The following MKI67 variants were observed in gnomAD, a reference collection of about 807,000 sequenced individuals.
MKI67 encodes the protein marker of proliferation Ki-67, also known as proliferation marker protein Ki-67.
Under a neutral mutation model 233.5 loss-of-function variants are expected in MKI67, and 152 were observed. The observed-to-expected ratio is 0.65, with a 90% CI of 0.57 to 0.74. MKI67 has a LOEUF of 0.74. MKI67 is among the 30% of genes least tolerant of loss of function. The pLI, the probability that MKI67 is intolerant of heterozygous loss-of-function variation, is 0.00. For synonymous variants in MKI67, 1,465 were observed against 1,418.5 expected (o/e 1.03, Z -0.74); for missense variants, 3,940 against 3,885.2 (o/e 1.01, Z -0.37).
Position 128,099,008 on chromosome 10 carries a change from G to T in MKI67, c.*182C>A. The T allele has an allele frequency of 1.9e-6, 1 of 517,638 alleles. No individual in the cohort carries two copies. The highest frequency in any genetic ancestry group is 2.6e-5 in the South Asian group (1 of 38,876). The allele number at this position is 517,638 out of a possible 1,614,324, so 32.1% of individuals were successfully genotyped here. A position where few individuals can be genotyped will look rare whatever the true frequency, so the allele number is the denominator to read the frequency against. On this transcript the variant is annotated 3_prime_UTR_variant, in exon 15 of 15. Transcript: ENST00000368654. ...GTGTTCAACTATTCTCAGTCCAGGA[G>T]CCCAGCAGTGCTCCCAGTGGAGTTT...
Position 128,115,669 on chromosome 10 carries a change from CT to C in MKI67, c.738del (p.Glu247SerfsTer4). The C allele has an allele frequency of 6.2e-7, 1 of 1,613,712 alleles. No homozygotes were observed. The highest frequency in any genetic ancestry group is 1.6e-4 in the Middle Eastern group (1 of 6,062). ...TCTTTTTGTGATTTTACATCCAACT[CT>C]TTCTTCACTGACTCATAAAGCTTCC... Reference protein sequence around the residue: ...PFWKLYESVKKELDVKSQKEN... With the variant: ...PFWKLYESVKXELDVKSQKEN... On this transcript the variant is annotated frameshift_variant, in exon 7 of 15. Transcript: ENST00000368654. LOFTEE classifies it high-confidence loss of function.
In MKI67 at chr10:128,105,600, T is replaced by C; in HGVS notation, c.6240A>G (p.Lys2080=). ...TGTGGTCTGGTGTCTGGAAGAGCTC[T>C]TTGAAGCCGGCCAGGTCTTCTAGTG... ...AQSLEDLAGF[K]ELFQTPDHTE... Residue 2080 remains lysine, a synonymous_variant, in exon 13 of 15, where the codon AAA becomes AAG. Transcript: ENST00000368654. 2 of 1,614,154 alleles carry C rather than the reference T, an allele frequency of 1.2e-6. No individual in the cohort carries two copies. Among genetic ancestry groups the C allele is most frequent in the South Asian group, 2.2e-5 (2 of 91,072 alleles).
rs1852239181 is a variant in MKI67, at chr10:128,097,633, G to GCCTA, written c.*1553_*1556dup. 1 of 152,050 alleles carries GCCTA rather than the reference G, an allele frequency of 6.6e-6. No individual in the cohort carries two copies. The highest frequency in any genetic ancestry group is 1.9e-4 in the East Asian group (1 of 5,176). The allele number at this position is 152,050 out of a possible 1,614,324, so 9.4% of individuals were successfully genotyped here. A position where few individuals can be genotyped will look rare whatever the true frequency, so the allele number is the denominator to read the frequency against. On this transcript the variant is annotated 3_prime_UTR_variant, in exon 15 of 15. Coordinates refer to ENST00000368654, the MANE Select transcript of MKI67 (RefSeq NM_002417.5). Reference sequence around the variant, plus strand: ...ATTCCTACTGAAAGTTTTGAGGTTGGCCTACGTAGAAGGAAGCATTTATGC... The same window carrying GCCTA: ...ATTCCTACTGAAAGTTTTGAGGTTGGCCTACCTACGTAGAAGGAAGCATTTATGC...
rs1233488016 is a variant in MKI67 at position 128,098,045 on chromosome 10, G to C, written c.*1145C>G. 6.6e-6 allele frequency: 1 copy of C among 152,260 alleles called. No individual in the cohort carries two copies. The highest frequency in any genetic ancestry group is 2.4e-5 in the African/African-American group (1 of 41,464). The allele number at this position is 152,260 out of a possible 1,614,324, so 9.4% of individuals were successfully genotyped here. ...CACCATCCTCACCTGCACCTGGCAAGGTGGGTGAATGGGGAGGAATCCAGA... is the reference window on the plus strand; with the variant it reads ...CACCATCCTCACCTGCACCTGGCAACGTGGGTGAATGGGGAGGAATCCAGA... On this transcript the variant is annotated 3_prime_UTR_variant, in exon 15 of 15. Transcript: ENST00000368654.
intron 2 of MKI67, 38 bp from the exon 3 acceptor site, chr10:128,123,207 A>G (rs1852988599): frequency 7.0e-7 from 1 of 1,428,338 alleles, no homozygotes; most frequent in South Asian, 1.2e-5. Context: ...GGTTGCTGCA[A>G]CTTTTTAAAA....
chr10:128,121,009 G>C (rs1435768218), intron 4 of MKI67, among the ~76,000 whole-genome samples: 1 of 152,018 alleles, frequency 6.6e-6, no homozygotes, highest in East Asian at 1.9e-4. Flanking sequence ...TAAGGGGGTG[G>C]AAAAGTTATA....
intron 12 of MKI67, among the ~76,000 whole-genome samples, 163 bp from the exon 13 acceptor site, chr10:128,109,586 G>A (rs1474142189): frequency 6.6e-6 from 1 of 152,198 alleles, no homozygotes; most frequent in Non-Finnish European, 1.5e-5. Context: ...TAAGAGCCAT[G>A]CACAATTAAG....
At chr10:128,123,981 A>G (rs1004068169) in intron 2 of MKI67, among the ~76,000 whole-genome samples, 3 of 152,232 alleles carry the variant, frequency 2.0e-5, no homozygotes, top group Non-Finnish European at 4.4e-5. Context: ...ATTTGAATAA[A>G]CTATGCAATG....
Position 128,107,755 on chromosome 10 carries a change from G to C in MKI67, c.4085C>G (p.Ala1362Gly), listed in dbSNP as rs1852546587. The C allele has an allele frequency of 6.2e-7, 1 of 1,613,644 alleles. No individual in the cohort carries two copies. The highest frequency in any genetic ancestry group is 2.2e-5 in the East Asian group (1 of 44,826). Residue 1362 changes from alanine (A) to glycine (G), a missense_variant, in exon 13 of 15, where the codon GCA becomes GGA. Ala to Gly is a moderately conservative substitution (Grantham distance 60, BLOSUM62 0). Coordinates refer to ENST00000368654, the MANE Select transcript of MKI67 (RefSeq NM_002417.5). ...TTTAGTAGTTTTGCCAGCAGCCACT[G>C]CTTCTTCAGTATGACCAGGGGTCTG... ...LFQTPGHTEE[A>G]VAAGKTTKMP...
In MKI67 at chr10:128,104,308, G is replaced by A; in HGVS notation, c.7532C>T (p.Thr2511Ile). The A allele has an allele frequency of 4.3e-6, 7 of 1,614,188 alleles. No homozygotes were observed. The highest frequency in any genetic ancestry group is 5.9e-6 in the Non-Finnish European group (7 of 1,180,036). The change falls in exon 13 of 15, where the codon ACA becomes ATA. Residue 2511 changes from threonine to isoleucine, a missense_variant. Thr to Ile is a moderately conservative substitution (Grantham distance 89, BLOSUM62 -1). Transcript: ENST00000368654. ...ACTATCTCCTGTTGGCTCTGTGTGT[G>A]TTTGCGTAGTCTCCCCTGATGTCCG... ...LTRTSGETTQ[T>I]HTEPTGDSKS...
At chr10:128,100,772 C>T (rs1376999911) in intron 14 of MKI67, among the ~76,000 whole-genome samples, 1 of 152,216 alleles carries the variant, frequency 6.6e-6, no homozygotes, top group African/African-American at 2.4e-5. Context: ...GCATCCCCCA[C>T]TGACCAGGAA....
In MKI67 at chr10:128,111,771, T is replaced by C; in HGVS notation, c.2134A>G (p.Asn712Asp). The part of the protein sequence containing the change: ...VHSQFSTGHA[N>D]SPCTIIIGKA... Reference sequence around the variant, plus strand: ...CCTATTATTATGGTACAAGGAGAGTTTGCGTGGCCTGTACTAAATTGACTG... The same window carrying C: ...CCTATTATTATGGTACAAGGAGAGTCTGCGTGGCCTGTACTAAATTGACTG... The change falls in exon 11 of 15, where the codon AAC becomes GAC. Residue 712 changes from asparagine to aspartate, a missense_variant. Physicochemically the swap from Asn to Asp is conservative, Grantham distance 23. Coordinates refer to ENST00000368654, the MANE Select transcript of MKI67 (RefSeq NM_002417.5). The C allele has an allele frequency of 6.2e-7, 1 of 1,614,152 alleles. No homozygotes were observed. Among genetic ancestry groups the C allele is most frequent in the Non-Finnish European group, 8.5e-7 (1 of 1,180,024 alleles).
intron 2 of MKI67, 26 bp from the exon 3 acceptor site, chr10:128,123,195 T>G: frequency 6.4e-7 from 1 of 1,551,656 alleles, no homozygotes. Flanking sequence ...GAAGGTTTTT[T>G]TGGTTGCTGC....
rs1852409944 is a variant in MKI67, at chr10:128,103,995, C to A, written c.7845G>T (p.Glu2615Asp). The A allele has an allele frequency of 1.2e-6, 2 of 1,613,940 alleles. No individual in the cohort carries two copies. Among genetic ancestry groups the A allele is most frequent in the Non-Finnish European group, 1.7e-6 (2 of 1,180,028 alleles). The change falls in exon 13 of 15, where the codon GAG becomes GAT. Residue 2615 changes from glutamate to aspartate, a missense_variant. By Grantham distance (45) the Glu-to-Asp change is conservative. Transcript: ENST00000368654. ...GCGTGAGCCTCTCAACTGCTGAGAGCTCCTCTTTTACTTCTTTCCTGGGAC... is the reference window on the plus strand; with the variant it reads ...GCGTGAGCCTCTCAACTGCTGAGAGATCCTCTTTTACTTCTTTCCTGGGAC... ...KTRPRKEVKE[E>D]LSAVERLTQT...
chr10:128,108,307 T>C lies in MKI67; in HGVS notation c.3533A>G (p.Lys1178Arg), dbSNP rs1306500469. The C allele has an allele frequency of 6.2e-7, 1 of 1,614,122 alleles. No individual in the cohort carries two copies. Among genetic ancestry groups the C allele is most frequent in the East Asian group, 2.2e-5 (1 of 44,866 alleles). The change falls in exon 13 of 15, where the codon AAA becomes AGA. Residue 1178 changes from lysine (K) to arginine (R), a missense_variant. Transcript: ENST00000368654. Reference sequence around the variant, plus strand: ...GTCTTTCTCATCACCTCCTGCTGGTTTGGGCGTAAGCATGGCTTTCCCTGC... The same window carrying C: ...GTCTTTCTCATCACCTCCTGCTGGTCTGGGCGTAAGCATGGCTTTCCCTGC... ...PSAGKAMLTP[K>R]PAGGDEKDIK...
In MKI67 at chr10:128,111,953, T is replaced by C. The variant is rs1385695058; in HGVS notation, c.2062A>G (p.Arg688Gly). The C allele has an allele frequency of 2.5e-6, 4 of 1,612,682 alleles. No homozygotes were observed. The highest frequency in any genetic ancestry group is 3.4e-6 in the Non-Finnish European group (4 of 1,179,602). The change falls in exon 10 of 15, where the codon AGG (arginine) becomes GGG (glycine). Residue 688 changes from arginine (R) to glycine (G), a missense_variant. Coordinates refer to ENST00000368654, the MANE Select transcript of MKI67 (RefSeq NM_002417.5). Reference protein sequence around the residue: ...KHGPQRSMNKRQRRPATPKKP... With the variant: ...KHGPQRSMNKGQRRPATPKKP... ...TTTGGAGTAGCAGGTCTTCTTTGCC[T>C]TTTGTTCATTGACCTTTGAGGACCA...
In MKI67 at chr10:128,104,793, T is replaced by C. The variant is rs542522258; in HGVS notation, c.7047A>G (p.Pro2349=). The part of the protein sequence containing the change: ...KIACKSPQPD[P]VDTPASTKQR... ...GCTTTGTGCTTGCTGGGGTGTCCAC[T>C]GGGTCTGGTTGTGGAGATTTGCAGG... The change falls in exon 13 of 15, where the codon CCA becomes CCG. Residue 2349 remains proline, a synonymous_variant. Transcript: ENST00000368654. 17 of 1,613,624 alleles carry C rather than the reference T, an allele frequency of 1.1e-5. No individual in the cohort carries two copies. The African/African-American group carries it at 2.1e-4, about 20-fold the overall frequency.
Position 128,105,506 on chromosome 10 carries a change from C to A in MKI67, c.6334G>T (p.Asp2112Tyr), listed in dbSNP as rs749532200. ...CGCCTCCTTGTGCTTGTTGGAGTGT[C>A]CATTGATTCTGGTGGTGGAGATTTG... Reference protein sequence around the residue: ...ACKSPPPESMDTPTSTRRRPK... With the variant: ...ACKSPPPESMYTPTSTRRRPK... The change falls in exon 13 of 15, where the codon GAC becomes TAC. Residue 2112 changes from aspartate (D) to tyrosine (Y), a missense_variant. Transcript: ENST00000368654. 8.1e-6 allele frequency: 13 copies of A among 1,613,778 alleles called. No homozygotes were observed. The highest frequency in any genetic ancestry group is 1.0e-5 in the Non-Finnish European group (12 of 1,180,014).
chr10:128,104,286 A>C lies in MKI67; in HGVS notation c.7554T>G (p.Asp2518Glu). Residue 2518 changes from aspartate to glutamate, a missense_variant, in exon 13 of 15, where the codon GAT becomes GAG. By Grantham distance (45) the Asp-to-Glu change is conservative (BLOSUM62 2). Coordinates refer to ENST00000368654, the MANE Select transcript of MKI67 (RefSeq NM_002417.5). Reference protein sequence around the residue: ...TTQTHTEPTGDSKSIKAFKES... With the variant: ...TTQTHTEPTGESKSIKAFKES... ...CCTTAAACGCTTTGATGCTCTTACTATCTCCTGTTGGCTCTGTGTGTGTTT... is the reference window on the plus strand; with the variant it reads ...CCTTAAACGCTTTGATGCTCTTACTCTCTCCTGTTGGCTCTGTGTGTGTTT... 1 of 1,613,926 alleles carries C rather than the reference A, an allele frequency of 6.2e-7. No homozygotes were observed. The highest frequency in any genetic ancestry group is 8.5e-7 in the Non-Finnish European group (1 of 1,179,992).
Sources: gnomAD v4.1 joint callset for allele counts (sites outside exome capture counted in the v4.1 genomes callset) on GRCh38, gnomAD v4.1.1 for gene constraint, MANE v1.5 for transcripts, NCBI Gene and HGNC (gene_info 2026-07-23, HGNC 2026-07-21) for gene names.